Variants in ATG10 observed in about 807,000 individuals in gnomAD.
ATG10 encodes autophagy related 10.
Under a neutral mutation model 32.1 loss-of-function variants are expected in ATG10, and 30 were observed. That is an observed-to-expected ratio of 0.94 (90% confidence interval 0.70 to 1.27). The LOEUF (loss-of-function observed/expected upper bound fraction) is 1.27. Among genes scored for constraint, ATG10 ranks in the 50% most tolerant of loss-of-function variants. The probability of loss-of-function intolerance (pLI) is 0.00; values close to 1 mark genes in which losing one functional copy is unlikely to be tolerated. For synonymous variants in ATG10, 87 were observed against 91.5 expected (o/e 0.95, Z 0.28); for missense variants, 233 against 262.3 (o/e 0.89, Z 0.77).
chr5:82,102,438 C>T (rs1004359500), intron 3 of ATG10, among the ~76,000 whole-genome samples: 13 of 152,094 alleles, frequency 8.5e-5, no homozygotes, highest in Non-Finnish European at 1.3e-4. Flanking sequence ...GGTCTGTGCT[C>T]ATTCTTACTG....
chr5:82,160,588 A>G (rs1743283221), intron 3 of ATG10, among the ~76,000 whole-genome samples: 1 of 152,210 alleles, frequency 6.6e-6, no homozygotes, highest in African/African-American at 2.4e-5. Context: ...GGTTTTCCAG[A>G]GAGGCTATAC....
At chr5:81,983,709 G>A (rs1238202848) in intron 1 of ATG10, among the ~76,000 whole-genome samples, 6 of 151,968 alleles carry the variant, frequency 3.9e-5, no homozygotes, top group Admixed American at 6.5e-5. Context: ...TCCCAGATGG[G>A]GTGGCTGCCG....
chr5:82,012,153 C>G (rs962458892), intron 2 of ATG10, among the ~76,000 whole-genome samples: 38 of 152,194 alleles, frequency 2.5e-4, no homozygotes, highest in Non-Finnish European at 1.0e-4. Context: ...ATGGGAGCAA[C>G]CTCAGGGAGG....
At chr5:82,216,065 C>T (rs1281032860) in intron 5 of ATG10, among the ~76,000 whole-genome samples, 1 of 152,006 alleles carries the variant, frequency 6.6e-6, no homozygotes, top group Non-Finnish European at 1.5e-5. Context: ...AATGTATAAT[C>T]GAAGAGCCAA....
intron 1 of ATG10, among the ~76,000 whole-genome samples, chr5:81,984,728 G>A (rs1581566795): frequency 6.6e-6 from 1 of 152,160 alleles, no homozygotes; most frequent in Non-Finnish European, 1.5e-5. Context: ...ACTAGTTTAT[G>A]AATTTGGTAG....
At chr5:81,976,654 T>TC (rs1440081502) in intron 1 of ATG10, among the ~76,000 whole-genome samples, 1 of 152,204 alleles carries the variant, frequency 6.6e-6, no homozygotes, top group Non-Finnish European at 1.5e-5. Flanking sequence ...CGTTCACTCT[T>TC]CAAAAGCCTT....
chr5:82,100,883 G>C (rs955534836), intron 3 of ATG10, among the ~76,000 whole-genome samples: 1 of 147,776 alleles, frequency 6.8e-6, no homozygotes, highest in East Asian at 2.0e-4. Context: ...GGGTAAAAAA[G>C]GAAGTTAATA....
At chr5:82,125,351 A>G (rs1303055666) in intron 3 of ATG10, among the ~76,000 whole-genome samples, 1 of 152,164 alleles carries the variant, frequency 6.6e-6, no homozygotes, top group Non-Finnish European at 1.5e-5. Context: ...TTAGTCATAA[A>G]GTCTTTGCCC....
intron 2 of ATG10, among the ~76,000 whole-genome samples, chr5:82,024,346 A>G (rs1456120952): frequency 6.6e-6 from 1 of 152,240 alleles, no homozygotes; most frequent in Non-Finnish European, 1.5e-5. Context: ...AGCATTACTC[A>G]AAGCGTGGCC....
intron 3 of ATG10, among the ~76,000 whole-genome samples, chr5:82,160,576 A>G (rs1220426158): frequency 6.6e-6 from 1 of 152,154 alleles, no homozygotes; most frequent in African/African-American, 2.4e-5. Context: ...AAACTGTCAT[A>G]TGGTTTTCCA....
chr5:82,178,377 G>T, intron 4 of ATG10, 113 bp from the exon 5 acceptor site: 1 of 667,968 alleles, frequency 1.5e-6, no homozygotes, highest in Middle Eastern at 2.9e-4. Context: ...AATAGCATGT[G>T]CACTGAAGAT....
intron 2 of ATG10, among the ~76,000 whole-genome samples, chr5:82,002,405 A>G (rs766522876): frequency 1.2e-3 from 190 of 152,320 alleles, no homozygotes; most frequent in Non-Finnish European, 1.7e-3. Context: ...GCCCATCAAC[A>G]GTAGACTGGA....
intron 5 of ATG10, among the ~76,000 whole-genome samples, chr5:82,248,805 T>A (rs1561378361): frequency 6.6e-6 from 1 of 151,998 alleles, no homozygotes. Context: ...ACCAAAAGCA[T>A]TTTGCCAAAA....
chr5:82,144,727 TA>T (rs35016469), intron 3 of ATG10, among the ~76,000 whole-genome samples: 52,048 of 151,806 alleles, frequency 0.34, 10,234 homozygotes, highest in East Asian at 0.76. Context: ...TTGTCAAGCA[TA>T]TGGTCTATCA....
intron 2 of ATG10, among the ~76,000 whole-genome samples, chr5:82,038,317 T>C (rs578240133): frequency 5.9e-5 from 9 of 152,296 alleles, no homozygotes; most frequent in African/African-American, 1.9e-4. Flanking sequence ...GAGAGAGCAT[T>C]TATCCATTGG....
intron 4 of ATG10, among the ~76,000 whole-genome samples, chr5:82,177,502 A>G (rs1388627424): frequency 6.6e-6 from 1 of 152,136 alleles, no homozygotes; most frequent in African/African-American, 2.4e-5. Context: ...CATTAGCCCA[A>G]AAGAGCACGC....
chr5:82,204,026 T>C (rs1006488540), intron 5 of ATG10, among the ~76,000 whole-genome samples: 6 of 152,058 alleles, frequency 3.9e-5, no homozygotes, highest in Non-Finnish European at 5.9e-5. Context: ...ACAAAAGAAG[T>C]AAATTATATT....
chr5:81,978,481 A>T (rs549162073), intron 1 of ATG10, among the ~76,000 whole-genome samples: 1 of 152,322 alleles, frequency 6.6e-6, no homozygotes, highest in South Asian at 2.1e-4. Context: ...TACTAGTCCT[A>T]CTACCCACTG....
chr5:82,121,989 T>C lies in ATG10; in HGVS notation c.217-42410T>C, dbSNP rs544329777. On this transcript the variant is annotated intron_variant, in intron 3 of 7. Coordinates refer to ENST00000282185, the MANE Select transcript of ATG10 (RefSeq NM_031482.5). ...TCTTTGCCAGGTTTTGGTACCAGGA[T>C]GATGCTGGCCTTGTAGAATGAGTTG... 7.9e-4 allele frequency among the ~76,000 whole-genome samples: 118 copies of C among 149,734 alleles called. 3 individuals carry two copies. The highest frequency in any genetic ancestry group is 1.3e-3 in the Admixed American group (20 of 14,934).
Sources: gnomAD v4.1 joint callset for allele counts (sites outside exome capture counted in the v4.1 genomes callset) on GRCh38, gnomAD v4.1.1 for gene constraint, MANE v1.5 for transcripts, NCBI Gene and HGNC (gene_info 2026-07-23, HGNC 2026-07-21) for gene names.